Variants in TINAGL1 observed in about 807,000 individuals in gnomAD.
TINAGL1 encodes tubulointerstitial nephritis antigen-like.
Under a neutral mutation model 62.0 loss-of-function variants are expected in TINAGL1, and 34 were observed. The observed-to-expected ratio is 0.55, with a 90% CI of 0.42 to 0.73. The LOEUF (loss-of-function observed/expected upper bound fraction) is 0.73, where lower values mean the gene tolerates loss of function less well. TINAGL1 is among the 30% of genes least tolerant of loss of function. TINAGL1 has a pLI of 0.00. For missense variants in TINAGL1, 516 were observed against 653.2 expected (o/e 0.79, Z 2.29); for synonymous variants, 221 against 249.7 (o/e 0.88, Z 1.08).
intron 3 of TINAGL1, 66 bp downstream of exon 3, chr1:31,579,333 C>G: frequency 6.9e-7 from 1 of 1,447,610 alleles, no homozygotes. Flanking sequence ...TGGTTCAAAT[C>G]TTATCCCTGA....
Position 31,584,864 on chromosome 1 carries a change from C to T in TINAGL1, c.707-22C>T, listed in dbSNP as rs1026880033. 1 of 1,613,114 alleles carries T rather than the reference C, an allele frequency of 6.2e-7. No homozygotes were observed. Among genetic ancestry groups the T allele is most frequent in the Non-Finnish European group, 8.5e-7 (1 of 1,179,124 alleles). On this transcript the variant is annotated intron_variant, in intron 6 of 11. Transcript: ENST00000271064. The surrounding 1 kb of genome is among the most constrained non-coding windows in gnomAD (Gnocchi z 4.0). ...GGCCAAGTCCTGAGCCTCCCGACAG[C>T]CCCTCTATCTCACCCCACCAGCTGT...
At position 31,584,277 on chromosome 1, in the gene TINAGL1, C is replaced by G. The variant is rs1054093332; in HGVS notation, c.583-401C>G. On this transcript the variant is annotated intron_variant, in intron 5 of 11. Transcript: ENST00000271064. The surrounding 1 kb of genome is among the most constrained non-coding windows in gnomAD (Gnocchi z 4.0). ...TTGGCAGACTGCCTGGTCACGGGACCCTACTGCCTCTTCCCTCCCCTGAGG... is the reference window on the plus strand; with the variant it reads ...TTGGCAGACTGCCTGGTCACGGGACGCTACTGCCTCTTCCCTCCCCTGAGG... The G allele has an allele frequency of 6.7e-5, 13 of 192,630 alleles. No individual in the cohort carries two copies. The highest frequency in any genetic ancestry group is 3.0e-4 in the African/African-American group (13 of 43,070). The allele number at this position is 192,630 out of a possible 1,614,324, so 11.9% of individuals were successfully genotyped here. A position where few individuals can be genotyped will look rare whatever the true frequency, so the allele number is the denominator to read the frequency against.
Position 31,579,264 on chromosome 1 carries a change from G to A in TINAGL1, c.371G>A (p.Arg124His), listed in dbSNP as rs142099120. Residue 124 changes from arginine (R) to histidine (H), a missense_variant, in exon 3 of 12, where the codon CGT (arginine) becomes CAT (histidine). Transcript: ENST00000271064. ...VLGTYWDNCN[R>H]CTCQENRQWQ... ...GGAACGTACTGGGACAACTGTAACC[G>A]TTGGTGAGTGTTTGGAGCTTAGAGG... is the stretch of plus-strand genomic sequence containing the variant. 8.1e-6 allele frequency: 13 copies of A among 1,613,780 alleles called. No homozygotes were observed. Among genetic ancestry groups the A allele is most frequent in the African/African-American group, 8.0e-5 (6 of 74,906 alleles).
intron 3 of TINAGL1, among the ~76,000 whole-genome samples, chr1:31,582,207 A>G (rs1035804369): frequency 4.6e-5 from 7 of 152,264 alleles, no homozygotes; most frequent in African/African-American, 1.7e-4. Flanking sequence ...GTGCACTTGT[A>G]GTCTCAGCTA....
Position 31,585,330 on chromosome 1 carries a change from T to A in TINAGL1, c.1037T>A (p.Leu346His), listed in dbSNP as rs754438330. The change falls in exon 8 of 12, where the codon CTC becomes CAC. Residue 346 changes from leucine to histidine, a missense_variant. Physicochemically the swap from Leu to His is moderately conservative, Grantham distance 99 (BLOSUM62 -3). Coordinates refer to ENST00000271064, the MANE Select transcript of TINAGL1 (RefSeq NM_022164.3). This position sits in a 1 kb window ranked among gnomAD's most constrained non-coding sequence, Gnocchi z 4.3. ...DIYQVTPVYR[L>H]GSNDKEIMKE... is the part of the protein sequence containing the mutation. ...TACCAGGTCACTCCTGTCTACCGCC[T>A]CGGCTCCAACGTAAGTCAGCACTTG... 6.2e-7 allele frequency: 1 copy of A among 1,604,810 alleles called. No homozygotes were observed. The highest frequency in any genetic ancestry group is 1.1e-5 in the South Asian group (1 of 89,980).
In TINAGL1 at chr1:31,577,321, G is replaced by A. The variant is rs761095229; in HGVS notation, c.173G>A (p.Arg58His). 13 of 1,613,710 alleles carry A rather than the reference G, an allele frequency of 8.1e-6. No individual in the cohort carries two copies. The Admixed American group carries it at 1.0e-4, about 12-fold the overall frequency. The change falls in exon 2 of 12, where the codon CGT becomes CAT. Residue 58 changes from arginine (R) to histidine (H), a missense_variant. Coordinates refer to ENST00000271064, the MANE Select transcript of TINAGL1 (RefSeq NM_022164.3). The surrounding 1 kb of genome is among the most constrained non-coding windows in gnomAD (Gnocchi z 5.4). ...GAGCAGGACCTGTGCTGCCGCGGCC[G>A]TGCCGACGACTGTGCCCTGCCCTAC... ...CQEQDLCCRG[R>H]ADDCALPYLG... is the part of the protein sequence containing the mutation.
chr1:31,580,164 T>TCC (rs1557557638), intron 3 of TINAGL1: 1 of 132,408 alleles, frequency 7.6e-6, no homozygotes, highest in East Asian at 2.5e-4. Flanking sequence ...GTTAATGCGC[T>TCC]CTCTCTCTCT....
rs149917821 is a variant in TINAGL1 at position 31,579,699 on chromosome 1, C to T, written c.374+432C>T. 1.5e-3 allele frequency: 244 copies of T among 167,900 alleles called. 2 individuals are homozygous for T. Among genetic ancestry groups the T allele is most frequent in the African/African-American group, 5.4e-3 (224 of 41,750 alleles). 10.4% of individuals were successfully genotyped at this position (167,900 alleles called of 1,614,324 possible). On this transcript the variant is annotated intron_variant, in intron 3 of 11. Transcript: ENST00000271064. Reference sequence around the variant, plus strand: ...CAGCCAGCCTCTAGCAGGGCCTTCCCTGAAATGTGGCCCCTTTTTCCTTCC... The same window carrying T: ...CAGCCAGCCTCTAGCAGGGCCTTCCTTGAAATGTGGCCCCTTTTTCCTTCC...
In TINAGL1 at chr1:31,585,363, G is replaced by T. The variant is rs1235326697; in HGVS notation, c.1047+23G>T. On this transcript the variant is annotated intron_variant, in intron 8 of 11. Transcript: ENST00000271064. The surrounding 1 kb of genome is among the most constrained non-coding windows in gnomAD (Gnocchi z 4.3). ...AACGTAAGTCAGCACTTGGGTGAGG[G>T]CGCCGAGGCAGGAGGGTTGTGAAAG... 6.2e-7 allele frequency: 1 copy of T among 1,604,272 alleles called. No homozygotes were observed. Among genetic ancestry groups the T allele is most frequent in the South Asian group, 1.1e-5 (1 of 90,042 alleles).
Position 31,583,011 on chromosome 1 carries a change from G to C in TINAGL1, c.375-138G>C. ...TAGACGTTGACATTTAAAGCCACCA[G>C]GCTGGATGGGATCACCTAGAGATTC... On this transcript the variant is annotated intron_variant, in intron 3 of 11. Transcript: ENST00000271064. This position sits in a 1 kb window ranked among gnomAD's most constrained non-coding sequence, Gnocchi z 4.4. 1.4e-6 allele frequency: 1 copy of C among 736,182 alleles called. No individual in the cohort carries two copies. The highest frequency in any genetic ancestry group is 2.4e-6 in the Non-Finnish European group (1 of 415,882). 45.6% of individuals were successfully genotyped at this position (736,182 alleles called of 1,614,324 possible).
Position 31,583,039 on chromosome 1 carries a change from C to T in TINAGL1, c.375-110C>T, listed in dbSNP as rs1425940869. On this transcript the variant is annotated intron_variant, in intron 3 of 11. Coordinates refer to ENST00000271064, the MANE Select transcript of TINAGL1 (RefSeq NM_022164.3). This position sits in a 1 kb window ranked among gnomAD's most constrained non-coding sequence, Gnocchi z 4.4. ...TGGATGGGATCACCTAGAGATTCTC[C>T]CACAGTCACTTGCACAGACTCCCTG... 3 of 919,910 alleles carry T rather than the reference C, an allele frequency of 3.3e-6. No individual in the cohort carries two copies. 57.0% of individuals were successfully genotyped at this position (919,910 alleles called of 1,614,324 possible). A position where few individuals can be genotyped will look rare whatever the true frequency, so the allele number is the denominator to read the frequency against.
chr1:31,580,784 G>A (rs747014327), intron 3 of TINAGL1: 22 of 1,206,056 alleles, frequency 1.8e-5, no homozygotes, highest in East Asian at 5.8e-5. Context: ...CCCTTCAGTC[G>A]GCACCTATTA....
At position 31,586,730 on chromosome 1, in the gene TINAGL1, C is replaced by T. The variant is rs1291620126; in HGVS notation, c.1238C>T (p.Pro413Leu). 6.4e-7 allele frequency: 1 copy of T among 1,556,872 alleles called. No homozygotes were observed. Among genetic ancestry groups the T allele is most frequent in the Non-Finnish European group, 8.7e-7 (1 of 1,149,982 alleles). The change falls in exon 11 of 12, where the codon CCA becomes CTA. Residue 413 changes from proline (P) to leucine (L), a missense_variant. Pro to Leu is a moderately conservative substitution (Grantham distance 98, BLOSUM62 -3). Transcript: ENST00000271064. ...KITGWGEETL[P>L]DGRTLKYWTA... is the part of the protein sequence containing the mutation. ...CACAGATGGGGAGAGGAGACGCTGC[C>T]AGATGGAAGGACGCTCAAATACTGG...
In TINAGL1 at chr1:31,577,104, T is replaced by A; in HGVS notation, c.-15-30T>A. The A allele has an allele frequency of 1.4e-6, 2 of 1,435,346 alleles. No homozygotes were observed. The highest frequency in any genetic ancestry group is 1.8e-6 in the Non-Finnish European group (2 of 1,095,820). 88.9% of individuals were successfully genotyped at this position (1,435,346 alleles called of 1,614,324 possible). ...GACTCATCCCTGGTGTTCCAGGGAGTCTCTGCTGCCCACCATCTCTGCCCC... is the reference window on the plus strand; with the variant it reads ...GACTCATCCCTGGTGTTCCAGGGAGACTCTGCTGCCCACCATCTCTGCCCC... On this transcript the variant is annotated intron_variant, in intron 1 of 11. Transcript: ENST00000271064. This position sits in a 1 kb window ranked among gnomAD's most constrained non-coding sequence, Gnocchi z 5.4.
Position 31,579,220 on chromosome 1 carries a change from T to G in TINAGL1, c.327T>G (p.Gly109=). Residue 109 remains glycine, a synonymous_variant, in exon 3 of 12, where the codon GGT becomes GGG. Transcript: ENST00000271064. ...FPPIQGCMHG[G]RIYPVLGTYW... ...TTCCAACAGGATGTATGCATGGAGG[T>G]CGTATCTATCCAGTCTTGGGAACGT... The G allele has an allele frequency of 6.2e-7, 1 of 1,613,884 alleles. No homozygotes were observed. The highest frequency in any genetic ancestry group is 8.5e-7 in the Non-Finnish European group (1 of 1,179,952).
intron 3 of TINAGL1, 109 bp downstream of exon 3, chr1:31,579,376 T>G (rs1173870460): frequency 2.1e-6 from 2 of 947,892 alleles, no homozygotes; most frequent in African/African-American, 3.3e-5. Flanking sequence ...TTTTCCCTTC[T>G]TTGAACCTCA....
chr1:31,586,744 C>G lies in TINAGL1; in HGVS notation c.1252C>G (p.Leu418Val). The G allele has an allele frequency of 1.3e-6, 2 of 1,555,128 alleles. No individual in the cohort carries two copies. The highest frequency in any genetic ancestry group is 1.7e-6 in the Non-Finnish European group (2 of 1,148,932). The change falls in exon 11 of 12, where the codon CTC (leucine) becomes GTC (valine). Residue 418 changes from leucine to valine, a missense_variant. By Grantham distance (32) the Leu-to-Val change is conservative. Transcript: ENST00000271064. Reference sequence around the variant, plus strand: ...GGAGACGCTGCCAGATGGAAGGACGCTCAAATACTGGGTGAGGCCGCTGAC... The same window carrying G: ...GGAGACGCTGCCAGATGGAAGGACGGTCAAATACTGGGTGAGGCCGCTGAC... ...GEETLPDGRTLKYWTAANSWG... is the reference protein window; with the variant it reads ...GEETLPDGRTVKYWTAANSWG...
chr1:31,578,662 G>A (rs1442856633), intron 2 of TINAGL1, among the ~76,000 whole-genome samples: 1 of 126,468 alleles, frequency 7.9e-6, no homozygotes, highest in Admixed American at 7.6e-5. Context: ...GAGCTGGTGT[G>A]TGTGTGTGTG....
intron 3 of TINAGL1, chr1:31,580,199 C>CTCTCTCTCTCTCTCTCTG (rs1557557861): frequency 1.2e-3 from 555 of 447,590 alleles, no homozygotes; most frequent in East Asian, 5.0e-3. Flanking sequence ...CTCTCTCTCT[C>CTCTCTCTCTCTCTCTCTG]TCTCTCTCTC....
Sources: allele counts gnomAD v4.1 joint callset (sites outside exome capture counted in the v4.1 genomes callset), GRCh38; gene constraint gnomAD v4.1.1; non-coding constraint Gnocchi (gnomAD v3.1); transcripts MANE v1.5; gene names NCBI Gene and HGNC (gene_info 2026-07-23, HGNC 2026-07-21).